The following MAST3 variants were observed in gnomAD, a reference collection of about 807,000 sequenced individuals.
The protein encoded by MAST3 is microtubule associated serine/threonine kinase 3.
In MAST3, 43 loss-of-function variants were observed where a neutral mutation model predicts 127.0. That is an observed-to-expected ratio of 0.34 (90% CI 0.27 to 0.44). The LOEUF (loss-of-function observed/expected upper bound fraction) is 0.44, where lower values mean the gene tolerates loss of function less well. Ranked by LOEUF, MAST3 falls within the 20% of genes least tolerant of loss-of-function variation. MAST3 has a pLI of 1.00. For synonymous variants in MAST3, 785 were observed against 809.2 expected (o/e 0.97, Z 0.51); for missense variants, 1,390 against 1,919.1 (o/e 0.72, Z 5.15).
chr19:18,147,482 C>T lies in MAST3; in HGVS notation c.3366C>T (p.Ser1122=), dbSNP rs1452335942. Residue 1122 remains serine (S), a synonymous_variant, in exon 27 of 28, where the codon TCC becomes TCT. Coordinates refer to ENST00000687212, the MANE Select transcript of MAST3 (RefSeq NM_001393504.1). ...SLFKKISKQT[S]VLHTSRSFSS... is the part of the protein sequence containing the mutation. ...TCAAGAAGATCTCCAAGCAGACCTCCGTGCTGCACACCAGCCGCAGCTTCT... is the reference window on the plus strand; with the variant it reads ...TCAAGAAGATCTCCAAGCAGACCTCTGTGCTGCACACCAGCCGCAGCTTCT... 4.3e-6 allele frequency: 7 copies of T among 1,613,292 alleles called. No individual in the cohort carries two copies. Among genetic ancestry groups the T allele is most frequent in the African/African-American group, 1.3e-5 (1 of 74,964 alleles).
intron 20 of MAST3, among the ~76,000 whole-genome samples, chr19:18,141,370 CA>C (rs1486952905): frequency 2.6e-5 from 1 of 38,294 alleles, no homozygotes; most frequent in Admixed American, 3.2e-4. Flanking sequence ...TGGACTAAGC[CA>C]GCTTTCTTTT....
intron 21 of MAST3, among the ~76,000 whole-genome samples, chr19:18,142,438 G>A (rs1427572565): frequency 1.4e-5 from 2 of 140,618 alleles, no homozygotes; most frequent in East Asian, 2.3e-4. Context: ...TGCAAGCTCC[G>A]CCTCCCGGGT....
intron 3 of MAST3, 143 bp from the exon 4 acceptor site, chr19:18,121,542 C>T: frequency 2.8e-6 from 2 of 710,454 alleles, no homozygotes; most frequent in Admixed American, 2.5e-5. Context: ...CATGGGGGAA[C>T]CCAGCTGGGG....
Position 18,117,967 on chromosome 19 carries a change from A to G in MAST3, c.162-3718A>G, listed in dbSNP as rs1039527586. 2.9e-5 allele frequency: 8 copies of G among 279,306 alleles called. No homozygotes were observed. In the Admixed American group the frequency reaches 3.9e-4, roughly 14 times the overall value. 17.3% of individuals were successfully genotyped at this position (279,306 alleles called of 1,614,324 possible). A position where few individuals can be genotyped will look rare whatever the true frequency, so the allele number is the denominator to read the frequency against. ...CGCCTCCCGACAGGCCCCGCCCCCAACGGCCCCGCCCCCGCACTCGCCTGG... is the reference window on the plus strand; with the variant it reads ...CGCCTCCCGACAGGCCCCGCCCCCAGCGGCCCCGCCCCCGCACTCGCCTGG... On this transcript the variant is annotated intron_variant, in intron 3 of 27. Transcript: ENST00000687212.
At chr19:18,102,508 G>A (rs574240041) in intron 1 of MAST3, among the ~76,000 whole-genome samples, 1 of 140,898 alleles carries the variant, frequency 7.1e-6, no homozygotes, top group Admixed American at 7.3e-5. Context: ...TTGAGACGGA[G>A]TCTCATTCTG....
chr19:18,147,343 T>C, intron 26 of MAST3, 100 bp from the exon 27 acceptor site: 2 of 1,046,016 alleles, frequency 1.9e-6, no homozygotes. Context: ...CCTTAAATGA[T>C]CCATCTGCCT....
rs1160376960 is a variant in MAST3 at position 18,145,653 on chromosome 19, TGCTGGGGTCCCACAGCAGACCCAGCCTGG to T, written c.3040-78_3040-50del. 2 of 1,411,964 alleles carry T rather than the reference TGCTGGGGTCCCACAGCAGACCCAGCCTGG, an allele frequency of 1.4e-6. No homozygotes were observed. Among genetic ancestry groups the T allele is most frequent in the Admixed American group, 2.9e-5 (1 of 34,278 alleles). 87.5% of individuals were successfully genotyped at this position (1,411,964 alleles called of 1,614,324 possible). On this transcript the variant is annotated intron_variant, in intron 24 of 27. Coordinates refer to ENST00000687212, the MANE Select transcript of MAST3 (RefSeq NM_001393504.1). The surrounding 1 kb of genome is among the most constrained non-coding windows in gnomAD (Gnocchi z 5.9). ...TGAGACAGCACAAGAGGCAGCAGCT[TGCTGGGGTCCCACAGCAGACCCAGCCTGG>T]GCTGGGGTCCCCAGATGTGGGGCCC...
In MAST3 at chr19:18,123,315, T is replaced by A. The variant is rs1202435255; in HGVS notation, c.498T>A (p.Asn166Lys). 1.2e-6 allele frequency: 2 copies of A among 1,613,636 alleles called. No individual in the cohort carries two copies. The highest frequency in any genetic ancestry group is 1.3e-5 in the African/African-American group (1 of 74,884). ...FLSKHFRSSE[N>K]VLDEEGGRSP... is the part of the protein sequence containing the mutation. Reference sequence around the variant, plus strand: ...CCAAGCACTTCCGCAGCTCAGAGAATGTGCTTGATGAGGAAGGCGGCCGGT... The same window carrying A: ...CCAAGCACTTCCGCAGCTCAGAGAAAGTGCTTGATGAGGAAGGCGGCCGGT... Residue 166 changes from asparagine to lysine, a missense_variant, in exon 7 of 28, where the codon AAT becomes AAA. Asn to Lys is a moderately conservative substitution (Grantham distance 94). Transcript: ENST00000687212.
intron 18 of MAST3, among the ~76,000 whole-genome samples, chr19:18,136,875 G>A (rs1472852094): frequency 3.3e-5 from 5 of 152,030 alleles, no homozygotes; most frequent in Non-Finnish European, 7.4e-5. Flanking sequence ...TTGGAGTGCA[G>A]TGGTGCTATC....
In MAST3 at chr19:18,147,139, T is replaced by C. The variant is rs187117453; in HGVS notation, c.3326+95T>C. 7.3e-4 allele frequency: 894 copies of C among 1,225,148 alleles called. 5 individuals carry two copies. In the African/African-American group the frequency reaches 0.011, roughly 15 times the overall value. 75.9% of individuals were successfully genotyped at this position (1,225,148 alleles called of 1,614,324 possible). On this transcript the variant is annotated intron_variant, in intron 26 of 27. Coordinates refer to ENST00000687212, the MANE Select transcript of MAST3 (RefSeq NM_001393504.1). ...TTTTTTTTGAGACAGAGTCTTGCTC[T>C]GTTGCCCAGGCTGGAGTGCAGTGGC...
intron 20 of MAST3, among the ~76,000 whole-genome samples, chr19:18,141,373 C>CTTTCTTTT (rs2042456464): frequency 6.1e-5 from 1 of 16,380 alleles, no homozygotes; most frequent in South Asian, 1.6e-3. Context: ...ACTAAGCCAG[C>CTTTCTTTT]TTTCTTTTTT....
At chr19:18,133,893 A>G (rs78500916) in intron 15 of MAST3, among the ~76,000 whole-genome samples, 2,655 of 152,184 alleles carry the variant, frequency 0.017, 87 homozygotes, top group African/African-American at 0.06. Flanking sequence ...AGTACAGTAT[A>G]TACTGCTGTT....
Position 18,110,412 on chromosome 19 carries a change from G to A in MAST3, c.72-240G>A. 1.0e-6 allele frequency: 1 copy of A among 985,282 alleles called. No individual in the cohort carries two copies. The highest frequency in any genetic ancestry group is 1.2e-6 in the Non-Finnish European group (1 of 829,660). 61.0% of individuals were successfully genotyped at this position (985,282 alleles called of 1,614,324 possible). On this transcript the variant is annotated intron_variant, in intron 2 of 27. Coordinates refer to ENST00000687212, the MANE Select transcript of MAST3 (RefSeq NM_001393504.1). The surrounding 1 kb of genome is among the most constrained non-coding windows in gnomAD (Gnocchi z 4.3). ...GGGTATGCGGGGTGCAGGGAGGACAGGATGACAACTACCCTCCCCCCACGT... is the reference window on the plus strand; with the variant it reads ...GGGTATGCGGGGTGCAGGGAGGACAAGATGACAACTACCCTCCCCCCACGT...
chr19:18,099,894 C>T (rs183395589), intron 1 of MAST3, among the ~76,000 whole-genome samples: 24 of 152,288 alleles, frequency 1.6e-4, no homozygotes, highest in Admixed American at 3.3e-4. Context: ...GTTAGACTTT[C>T]CCCCTAGGGT....
rs2041199656 is a variant in MAST3, at chr19:18,130,850, G to A, written c.1432+148G>A. 5.0e-6 allele frequency: 4 copies of A among 806,140 alleles called. No individual in the cohort carries two copies. In the East Asian group the frequency reaches 1.1e-4, roughly 22 times the overall value. The allele number at this position is 806,140 out of a possible 1,614,324, so 49.9% of individuals were successfully genotyped here. ...GGAACCCTCAGGAACCCCAGTCTGG[G>A]GTAGGGAGCCCAGCCATGGGGGTTT... On this transcript the variant is annotated intron_variant, in intron 14 of 27. Coordinates refer to ENST00000687212, the MANE Select transcript of MAST3 (RefSeq NM_001393504.1).
At chr19:18,124,431 C>A in intron 10 of MAST3, 65 bp downstream of exon 10, 1 of 1,461,600 alleles carries the variant, frequency 6.8e-7, no homozygotes, top group Non-Finnish European at 9.4e-7. Flanking sequence ...CCACAACAGT[C>A]CTGCCAAGAT....
chr19:18,144,349 G>C lies in MAST3; in HGVS notation c.2585-117G>C, dbSNP rs1422375685. On this transcript the variant is annotated intron_variant, in intron 22 of 27. Coordinates refer to ENST00000687212, the MANE Select transcript of MAST3 (RefSeq NM_001393504.1). The surrounding 1 kb of genome is among the most constrained non-coding windows in gnomAD (Gnocchi z 4.0). Reference sequence around the variant, plus strand: ...AGTGCAGGAAGAGGGAACTGCATGAGCAAAGGCCAGGAGGCTGGACTGTGT... The same window carrying C: ...AGTGCAGGAAGAGGGAACTGCATGACCAAAGGCCAGGAGGCTGGACTGTGT... 4.4e-6 allele frequency: 4 copies of C among 910,322 alleles called. No individual in the cohort carries two copies. The highest frequency in any genetic ancestry group is 6.7e-6 in the Non-Finnish European group (4 of 599,584). The allele number at this position is 910,322 out of a possible 1,614,324, so 56.4% of individuals were successfully genotyped here.
intron 11 of MAST3, among the ~76,000 whole-genome samples, chr19:18,126,248 A>G (rs1008744644): frequency 5.9e-5 from 9 of 151,804 alleles, no homozygotes; most frequent in Non-Finnish European, 1.2e-4. Context: ...AAATTTCCAC[A>G]AATAGCCAGG....
chr19:18,144,928 C>A lies in MAST3; in HGVS notation c.2813-75C>A, dbSNP rs944976764. 5 of 915,462 alleles carry A rather than the reference C, an allele frequency of 5.5e-6. No homozygotes were observed. The highest frequency in any genetic ancestry group is 2.8e-5 in the South Asian group (2 of 72,508). 56.7% of individuals were successfully genotyped at this position (915,462 alleles called of 1,614,324 possible). On this transcript the variant is annotated intron_variant, in intron 23 of 27. Coordinates refer to ENST00000687212, the MANE Select transcript of MAST3 (RefSeq NM_001393504.1). The surrounding 1 kb of genome is among the most constrained non-coding windows in gnomAD (Gnocchi z 4.0). ...GCAACAGCAAAGTGGCCAGGGTGGT[C>A]GTTGTGGTGGGAAAGAGGGGGCCCC... is the stretch of plus-strand genomic sequence containing the variant.
Sources: gnomAD v4.1 joint callset for allele counts (sites outside exome capture counted in the v4.1 genomes callset) on GRCh38, gnomAD v4.1.1 for gene constraint, Gnocchi (gnomAD v3.1) non-coding constraint, MANE v1.5 for transcripts, NCBI Gene and HGNC (gene_info 2026-07-23, HGNC 2026-07-21) for gene names.